TDRD5: variants seen among roughly 807,000 people sequenced by gnomAD.
TDRD5 encodes tudor domain containing 5.
TDRD5 carries 41 observed loss-of-function variants against 120.6 expected under a neutral mutation model. That is an observed-to-expected ratio of 0.34 (90% CI 0.26 to 0.44). The LOEUF (loss-of-function observed/expected upper bound fraction) is 0.44. TDRD5 is among the 20% of genes least tolerant of loss of function. The pLI is 1.00. For synonymous variants in TDRD5, 430 were observed against 433.7 expected, an observed-to-expected ratio of 0.99 and a Z score of 0.11; for missense variants, 1,006 against 1,221.2, an observed-to-expected ratio of 0.82 and a Z score of 2.63.
At chr1:179,668,604 C>G (rs1423448419) in intron 16 of TDRD5, among the ~76,000 whole-genome samples, 3 of 152,130 alleles carry the variant, frequency 2.0e-5, no homozygotes, top group Non-Finnish European at 4.4e-5. Context: ...CGTGCCCTGC[C>G]CCTCTTTCCC....
chr1:179,598,356 T>TACATTTA (rs1675518729), intron 4 of TDRD5, among the ~76,000 whole-genome samples: 1 of 152,242 alleles, frequency 6.6e-6, no homozygotes, highest in Non-Finnish European at 1.5e-5. Context: ...CATTTGCAGA[T>TACATTTA]ACATTTAATT....
intron 6 of TDRD5, among the ~76,000 whole-genome samples, chr1:179,623,023 G>C (rs1229432661): frequency 6.6e-6 from 1 of 152,108 alleles, no homozygotes; most frequent in Non-Finnish European, 1.5e-5. Context: ...CTTCATACAG[G>C]AGAACAGTGA....
intron 12 of TDRD5, among the ~76,000 whole-genome samples, chr1:179,651,724 T>C (rs755225992): frequency 4.6e-5 from 7 of 152,112 alleles, no homozygotes; most frequent in Non-Finnish European, 8.8e-5. Context: ...CCATCCTGGC[T>C]AACACAGTGA....
At chr1:179,686,416 T>G (rs1225148035) in intron 17 of TDRD5, among the ~76,000 whole-genome samples, 2 of 152,228 alleles carry the variant, frequency 1.3e-5, no homozygotes, top group Non-Finnish European at 2.9e-5. Flanking sequence ...GTGGATAAGC[T>G]TTTTGATGTG....
chr1:179,652,547 A>G (rs1046145825), intron 13 of TDRD5, among the ~76,000 whole-genome samples: 1 of 152,126 alleles, frequency 6.6e-6, no homozygotes, highest in African/African-American at 2.4e-5. Context: ...CCCAGTAATA[A>G]TAATATTGTA....
rs115812022 is a variant in TDRD5, at chr1:179,617,349, T to C, written c.832-1250T>C. 5.1e-3 allele frequency among the ~76,000 whole-genome samples: 772 copies of C among 152,268 alleles called. 9 individuals carry two copies. The highest frequency in any genetic ancestry group is 0.018 in the African/African-American group (730 of 41,558). On this transcript the variant is annotated intron_variant, in intron 4 of 17. Transcript: ENST00000444136. ...TTGCCAGAGGAGCAGGCAAGGGTCATGCTCACACCATGTGCCAGGCATTAT... is the reference window on the plus strand; with the variant it reads ...TTGCCAGAGGAGCAGGCAAGGGTCACGCTCACACCATGTGCCAGGCATTAT...
intron 17 of TDRD5, among the ~76,000 whole-genome samples, chr1:179,686,377 A>T (rs1437741894): frequency 6.6e-6 from 1 of 152,218 alleles, no homozygotes. Context: ...CCAGCCTTGC[A>T]TTCCAGGGAT....
At chr1:179,680,057 T>C (rs1034034937) in intron 17 of TDRD5, among the ~76,000 whole-genome samples, 97 of 152,290 alleles carry the variant, frequency 6.4e-4, no homozygotes, top group African/African-American at 2.1e-3. Flanking sequence ...CTTGTGAATT[T>C]TCTTCTTGAC....
At chr1:179,596,196 CTT>C (rs950036911) in intron 4 of TDRD5, among the ~76,000 whole-genome samples, 10 of 152,138 alleles carry the variant, frequency 6.6e-5, no homozygotes, top group African/African-American at 2.4e-4. Flanking sequence ...TGCTGAAGGA[CTT>C]TGAATAAAAA....
chr1:179,593,758 A>C lies in TDRD5; in HGVS notation c.531A>C (p.Glu177Asp). Residue 177 changes from glutamate (E) to aspartate (D), a missense_variant, in exon 3 of 18, where the codon GAA (glutamate) becomes GAC (aspartate). Physicochemically the swap from Glu to Asp is conservative, Grantham distance 45. Around this residue, in one of 3 missense-constraint regions of TDRD5, gnomAD observed 445 missense variants for 515.5 expected, o/e 0.86. Transcript: ENST00000444136. ...AATATGGATTTCTCTCTATGTTTGA[A>C]GTGCTTAATGCGGCTTCAGATGTCA... is the stretch of plus-strand genomic sequence containing the variant. ...YMQYGFLSMFEVLNAASDVIS... is the reference protein window; with the variant it reads ...YMQYGFLSMFDVLNAASDVIS... 6.2e-7 allele frequency: 1 copy of C among 1,614,242 alleles called. No individual in the cohort carries two copies. The highest frequency in any genetic ancestry group is 8.5e-7 in the Non-Finnish European group (1 of 1,180,046).
intron 17 of TDRD5, among the ~76,000 whole-genome samples, chr1:179,681,504 T>C (rs2147808338): frequency 6.6e-6 from 1 of 152,312 alleles, no homozygotes; most frequent in Non-Finnish European, 1.5e-5. Context: ...GAAATGTCTT[T>C]TATGTTTAGT....
At chr1:179,682,878 A>G (rs1484131750) in intron 17 of TDRD5, among the ~76,000 whole-genome samples, 1 of 152,132 alleles carries the variant, frequency 6.6e-6, no homozygotes, top group Non-Finnish European at 1.5e-5. Context: ...GTTTTGTCCC[A>G]ACGTAAGATC....
chr1:179,683,505 C>T (rs192636953), intron 17 of TDRD5, among the ~76,000 whole-genome samples: 126 of 152,212 alleles, frequency 8.3e-4, no homozygotes, highest in African/African-American at 2.9e-3. Context: ...CAGAATTTCA[C>T]TTTTTAGAAT....
chr1:179,628,581 A>G (rs1677267722), intron 6 of TDRD5, among the ~76,000 whole-genome samples: 1 of 151,888 alleles, frequency 6.6e-6, no homozygotes, highest in African/African-American at 2.4e-5. Context: ...TGCTGGGATA[A>G]CAGACATGAG....
chr1:179,613,240 T>G (rs545313683), intron 4 of TDRD5, among the ~76,000 whole-genome samples: 1 of 152,300 alleles, frequency 6.6e-6, no homozygotes, highest in South Asian at 2.1e-4. Context: ...AAGAGTATCC[T>G]TCATAAATAA....
At chr1:179,660,304 C>G (rs1267967073) in intron 14 of TDRD5, among the ~76,000 whole-genome samples, 1 of 136,030 alleles carries the variant, frequency 7.4e-6, no homozygotes, top group Non-Finnish European at 1.5e-5. Context: ...ACTGCAAGCT[C>G]TGCCTCTCAG....
At chr1:179,607,400 CTGTT>C (rs1160422028) in intron 4 of TDRD5, among the ~76,000 whole-genome samples, 1 of 152,044 alleles carries the variant, frequency 6.6e-6, no homozygotes, top group African/African-American at 2.4e-5. Flanking sequence ...CCTTCCCAGT[CTGTT>C]TGTTTCATTT....
intron 4 of TDRD5, among the ~76,000 whole-genome samples, chr1:179,597,622 G>C (rs559762788): frequency 1.3e-5 from 2 of 152,022 alleles, no homozygotes; most frequent in Non-Finnish European, 2.9e-5. Context: ...GAGCCACCAC[G>C]CCTGGCCCAT....
chr1:179,614,329 A>G (rs959438174), intron 4 of TDRD5, among the ~76,000 whole-genome samples: 1 of 152,202 alleles, frequency 6.6e-6, no homozygotes, highest in Non-Finnish European at 1.5e-5. Context: ...ATGATTTTAA[A>G]TGATGGTGTG....
Sources: allele counts gnomAD v4.1 joint callset (sites outside exome capture counted in the v4.1 genomes callset), GRCh38; gene constraint gnomAD v4.1.1; regional missense constraint gnomAD v4.1.1; transcripts MANE v1.5; gene names NCBI Gene and HGNC (gene_info 2026-07-23, HGNC 2026-07-21).